Variants in SYT9 observed in about 807,000 individuals in gnomAD.
The protein encoded by SYT9 is synaptotagmin 9, also known as synaptotagmin-9.
SYT9 carries 22 observed loss-of-function variants against 48.4 expected under a neutral mutation model. The ratio of observed to expected loss-of-function variants is 0.45; its 90% confidence interval spans 0.32 to 0.65. The LOEUF (loss-of-function observed/expected upper bound fraction) is 0.65. Among genes scored for constraint, SYT9 ranks in the 30% least tolerant of loss-of-function variants. The pLI, the probability that SYT9 is intolerant of heterozygous loss-of-function variation, is 0.03. For synonymous variants in SYT9, 265 were observed against 245.0 expected (o/e 1.08, Z -0.76); for missense variants, 577 against 622.0 (o/e 0.93, Z 0.77).
At chr11:7,465,012 C>T (rs759836397) in intron 6 of SYT9, among the ~76,000 whole-genome samples, 36 of 151,938 alleles carry the variant, frequency 2.4e-4, no homozygotes, top group Non-Finnish European at 4.1e-4. Flanking sequence ...GGCATGAACC[C>T]GGGAGGTGGA....
rs979037603 is a variant in SYT9 at position 7,468,074 on chromosome 11, C to T, written c.*1274C>T. The T allele has an allele frequency of 7.7e-6, 3 of 389,530 alleles. No homozygotes were observed. The highest frequency in any genetic ancestry group is 1.4e-5 in the Non-Finnish European group (3 of 220,658). 24.1% of individuals were successfully genotyped at this position (389,530 alleles called of 1,614,324 possible). A position where few individuals can be genotyped will look rare whatever the true frequency, so the allele number is the denominator to read the frequency against. On this transcript the variant is annotated 3_prime_UTR_variant, in exon 7 of 7. Transcript: ENST00000318881. The stretch of plus-strand genomic sequence containing the variant: ...CTGTTACCTAATGGTCCTCTCTGTC[C>T]CATTATAGGTGCAAGGCACCCCATC...
chr11:7,338,007 G>A (rs957640866), intron 3 of SYT9, among the ~76,000 whole-genome samples: 11 of 152,070 alleles, frequency 7.2e-5, no homozygotes, highest in Non-Finnish European at 1.5e-4. Context: ...TGTTTTGGTT[G>A]GTAGGTTATT....
intron 3 of SYT9, among the ~76,000 whole-genome samples, chr11:7,379,932 A>T (rs1850529869): frequency 6.6e-6 from 1 of 152,180 alleles, no homozygotes; most frequent in Non-Finnish European, 1.5e-5. Context: ...CAGCAGTCCC[A>T]CTGCTGGGTA....
intron 6 of SYT9, among the ~76,000 whole-genome samples, chr11:7,424,433 G>A (rs139248333): frequency 5.4e-4 from 82 of 152,316 alleles, no homozygotes; most frequent in Middle Eastern, 3.4e-3. Flanking sequence ...TTCAAGAGAA[G>A]ATGGTTTCGG....
At chr11:7,295,642 C>A (rs901959818) in intron 1 of SYT9, among the ~76,000 whole-genome samples, 13 of 152,148 alleles carry the variant, frequency 8.5e-5, no homozygotes, top group African/African-American at 2.9e-4. Context: ...CCAGTTTCTA[C>A]CCATTACATA....
At chr11:7,311,988 T>C (rs900727358) in intron 2 of SYT9, among the ~76,000 whole-genome samples, 2 of 151,392 alleles carry the variant, frequency 1.3e-5, no homozygotes, top group Non-Finnish European at 2.9e-5. Context: ...TGTGGATTTC[T>C]CTAAAAGAGA....
At chr11:7,362,724 C>T (rs567459126) in intron 3 of SYT9, among the ~76,000 whole-genome samples, 1 of 152,118 alleles carries the variant, frequency 6.6e-6, no homozygotes, top group African/African-American at 2.4e-5. Context: ...TATTTCATTG[C>T]TTTCAACATT....
chr11:7,345,899 T>G (rs1011208852), intron 3 of SYT9, among the ~76,000 whole-genome samples: 1 of 152,196 alleles, frequency 6.6e-6, no homozygotes, highest in African/African-American at 2.4e-5. Flanking sequence ...GACCTTAATC[T>G]GAGCAGAGAG....
At chr11:7,390,135 G>A (rs775533284) in intron 3 of SYT9, among the ~76,000 whole-genome samples, 16 of 151,886 alleles carry the variant, frequency 1.1e-4, no homozygotes, top group Middle Eastern at 3.4e-3. Context: ...CCCTCCCCCA[G>A]CTCCCCACCT....
chr11:7,296,710 T>A (rs1321508816), intron 1 of SYT9, among the ~76,000 whole-genome samples: 2 of 152,208 alleles, frequency 1.3e-5, no homozygotes, highest in Non-Finnish European at 2.9e-5. Flanking sequence ...ATACAGAAAA[T>A]AAGATATTAA....
chr11:7,425,860 C>A (rs4454694), intron 6 of SYT9, among the ~76,000 whole-genome samples: 21 of 152,094 alleles, frequency 1.4e-4, no homozygotes, highest in Admixed American at 7.9e-4. Flanking sequence ...GGTGCTCCCC[C>A]CCAATATAGT....
Position 7,252,170 on chromosome 11 carries a change from G to T in SYT9, c.-17G>T, listed in dbSNP as rs1847880311. 1 of 1,430,506 alleles carries T rather than the reference G, an allele frequency of 7.0e-7. No homozygotes were observed. Among genetic ancestry groups the T allele is most frequent in the Non-Finnish European group, 9.1e-7 (1 of 1,095,138 alleles). The allele number at this position is 1,430,506 out of a possible 1,614,324, so 88.6% of individuals were successfully genotyped here. A position where few individuals can be genotyped will look rare whatever the true frequency, so the allele number is the denominator to read the frequency against. ...TGCGCCCGCCTGCCCGGCGCGGTCC[G>T]AGGATGCGGGGGGGCGATGCCCGGG... is the stretch of plus-strand genomic sequence containing the variant. On this transcript the variant is annotated 5_prime_UTR_variant, in exon 1 of 7. Coordinates refer to ENST00000318881, the MANE Select transcript of SYT9 (RefSeq NM_175733.4). This position sits in a 1 kb window ranked among gnomAD's most constrained non-coding sequence, Gnocchi z 6.3.
intron 1 of SYT9, among the ~76,000 whole-genome samples, chr11:7,286,597 C>T (rs1848599571): frequency 6.6e-6 from 1 of 152,316 alleles, no homozygotes; most frequent in East Asian, 1.9e-4. Context: ...CAGAAAATGG[C>T]TTTTTCTTTT....
At chr11:7,255,509 G>A (rs1222954431) in intron 1 of SYT9, among the ~76,000 whole-genome samples, 1 of 152,206 alleles carries the variant, frequency 6.6e-6, no homozygotes, top group Non-Finnish European at 1.5e-5. Context: ...CACTTAGGAA[G>A]CTATTTCAGA....
intron 3 of SYT9, among the ~76,000 whole-genome samples, chr11:7,367,201 C>G (rs1211715429): frequency 2.0e-5 from 3 of 148,874 alleles, no homozygotes; most frequent in African/African-American, 4.9e-5. Flanking sequence ...CCTGCCTCAG[C>G]CTCCCGAGTA....
intron 1 of SYT9, among the ~76,000 whole-genome samples, chr11:7,239,747 T>C (rs1847721880): frequency 6.6e-6 from 1 of 152,042 alleles, no homozygotes; most frequent in African/African-American, 2.4e-5. Flanking sequence ...CAACAAGATT[T>C]GCTGGTGGAT....
At chr11:7,256,923 T>C (rs1392427462) in intron 1 of SYT9, among the ~76,000 whole-genome samples, 2 of 152,188 alleles carry the variant, frequency 1.3e-5, no homozygotes, top group East Asian at 3.9e-4. Flanking sequence ...AAGCTTTTTC[T>C]AGGTCATGGT....
At chr11:7,381,675 A>G (rs1473238764) in intron 3 of SYT9, among the ~76,000 whole-genome samples, 2 of 152,228 alleles carry the variant, frequency 1.3e-5, no homozygotes, top group Non-Finnish European at 2.9e-5. Flanking sequence ...GAAATGTGAA[A>G]GACTCAAATC....
upstream of SYT9, among the ~76,000 whole-genome samples, chr11:7,251,744 G>A (rs1039824343): frequency 2.6e-5 from 4 of 152,186 alleles, no homozygotes; most frequent in African/African-American, 9.6e-5. Flanking sequence ...GCCGCTCTGG[G>A]CGCGAGGTCC....
Sources: gnomAD v4.1 joint callset for allele counts (sites outside exome capture counted in the v4.1 genomes callset) on GRCh38, gnomAD v4.1.1 for gene constraint, Gnocchi (gnomAD v3.1) non-coding constraint, MANE v1.5 for transcripts, NCBI Gene and HGNC (gene_info 2026-07-23, HGNC 2026-07-21) for gene names.